PTCHD4: variants seen among roughly 807,000 people sequenced by gnomAD.
The protein encoded by PTCHD4 is patched domain containing 4.
PTCHD4 carries 33 observed loss-of-function variants against 58.1 expected under a neutral mutation model. The observed-to-expected ratio is 0.57, with a 90% CI of 0.43 to 0.76. PTCHD4 has a LOEUF of 0.76. Among genes scored for constraint, PTCHD4 ranks in the 30% least tolerant of loss-of-function variants. The probability of loss-of-function intolerance (pLI) is 0.00; values close to 1 mark genes in which losing one functional copy is unlikely to be tolerated. For synonymous variants in PTCHD4, 478 were observed against 409.6 expected (o/e 1.17, Z -2.02); for missense variants, 1,058 against 1,027.1 (o/e 1.03, Z -0.41).
chr6:47,905,084 CAT>C (rs1491269801), intron 4 of PTCHD4, among the ~76,000 whole-genome samples: 1 of 146,910 alleles, frequency 6.8e-6, no homozygotes, highest in Non-Finnish European at 1.5e-5. Context: ...CACACACACA[CAT>C]AAATGAATGG....
chr6:47,895,642 A>G (rs1383933640), intron 4 of PTCHD4, among the ~76,000 whole-genome samples: 1 of 152,212 alleles, frequency 6.6e-6, no homozygotes, highest in African/African-American at 2.4e-5. Context: ...TCTCTAACAT[A>G]TGTATCCTCC....
At chr6:48,085,499 C>T (rs965424149) in intron 1 of PTCHD4, among the ~76,000 whole-genome samples, 3 of 152,116 alleles carry the variant, frequency 2.0e-5, no homozygotes, top group African/African-American at 4.8e-5. Flanking sequence ...CATCAAGAAC[C>T]AAGAAAAGCC....
At chr6:47,908,289 G>A (rs1764963961) in intron 4 of PTCHD4, among the ~76,000 whole-genome samples, 1 of 152,074 alleles carries the variant, frequency 6.6e-6, no homozygotes, top group Non-Finnish European at 1.5e-5. Context: ...TATTATTGGG[G>A]TGAGCACTGA....
intron 4 of PTCHD4, chr6:47,900,012 C>A (rs1201480891): frequency 6.6e-6 from 1 of 152,136 alleles, no homozygotes; most frequent in African/African-American, 2.4e-5. Context: ...GCATATACCA[C>A]TTTTTATGTT....
chr6:47,864,424 A>G lies in PTCHD4; in HGVS notation c.*13879T>C, dbSNP rs768377223. On this transcript the variant is annotated 3_prime_UTR_variant, in exon 5 of 5. Coordinates refer to ENST00000339488, the MANE Select transcript of PTCHD4 (RefSeq NM_001384253.1). ...TCATTTCTCTTTGCATTTACTCTCT[A>G]TGTGTCTGGCACATAGAAGATGTTT... is the stretch of plus-strand genomic sequence containing the variant. Among the ~76,000 whole-genome samples, 3 of 151,828 alleles carry G rather than the reference A, an allele frequency of 2.0e-5. No homozygotes were observed. Among genetic ancestry groups the G allele is most frequent in the Non-Finnish European group, 4.4e-5 (3 of 67,878 alleles).
intron 4 of PTCHD4, among the ~76,000 whole-genome samples, chr6:47,977,689 A>T (rs960058409): frequency 6.6e-6 from 1 of 150,768 alleles, no homozygotes; most frequent in Non-Finnish European, 1.5e-5. Context: ...ATGCTGCAAT[A>T]GATAGCTAAA....
At chr6:48,029,060 T>A (rs2814487) in intron 3 of PTCHD4, among the ~76,000 whole-genome samples, 87,161 of 151,814 alleles carry the variant, frequency 0.57, 25,161 homozygotes, top group East Asian at 0.72. Context: ...AGAAGTTCTA[T>A]GAAATTCCTA....
intron 1 of PTCHD4, among the ~76,000 whole-genome samples, chr6:48,091,613 TTCCC>T (rs563389864): frequency 5.1e-4 from 78 of 151,680 alleles, no homozygotes; most frequent in East Asian, 1.6e-3. Context: ...CTTTCCTTCC[TTCCC>T]TCCCTCCCTC....
intron 4 of PTCHD4, among the ~76,000 whole-genome samples, chr6:47,990,286 T>C (rs1057395709): frequency 2.0e-5 from 3 of 152,148 alleles, no homozygotes; most frequent in Non-Finnish European, 2.9e-5. Context: ...TTTGGGTGAA[T>C]GCTGAAATGA....
intron 4 of PTCHD4, among the ~76,000 whole-genome samples, chr6:47,885,763 C>G (rs908774518): frequency 6.6e-6 from 1 of 152,200 alleles, no homozygotes; most frequent in African/African-American, 2.4e-5. Flanking sequence ...GTAATTGCAT[C>G]TAACATTGCT....
rs910091564 is a variant in PTCHD4, at chr6:47,858,964, G to C, written c.*19339C>G. 6.6e-6 allele frequency among the ~76,000 whole-genome samples: 1 copy of C among 152,034 alleles called. No homozygotes were observed. The highest frequency in any genetic ancestry group is 1.5e-5 in the Non-Finnish European group (1 of 67,978). The stretch of plus-strand genomic sequence containing the variant: ...ACCTATGATTTAATTACAAGCATCT[G>C]TTTTTGAGACTAATCAATGAATCAT... On this transcript the variant is annotated 3_prime_UTR_variant, in exon 5 of 5. Transcript: ENST00000339488.
chr6:47,904,881 C>G (rs1011984823), intron 4 of PTCHD4, among the ~76,000 whole-genome samples: 2 of 151,966 alleles, frequency 1.3e-5, no homozygotes, highest in Admixed American at 6.6e-5. Flanking sequence ...GGTGAGAAAA[C>G]AAGGAAAACA....
intron 1 of PTCHD4, among the ~76,000 whole-genome samples, chr6:48,088,614 T>C (rs1242481563): frequency 6.6e-6 from 1 of 152,202 alleles, no homozygotes; most frequent in African/African-American, 2.4e-5. Flanking sequence ...TGACAAATCT[T>C]GTAGGAATAC....
chr6:47,989,972 G>T (rs988856561), intron 4 of PTCHD4, among the ~76,000 whole-genome samples: 10 of 152,270 alleles, frequency 6.6e-5, no homozygotes, highest in African/African-American at 2.2e-4. Context: ...CCAGGAGGGG[G>T]ACTCTACCCT....
At chr6:48,023,814 G>A (rs1381139418) in intron 3 of PTCHD4, among the ~76,000 whole-genome samples, 2 of 152,116 alleles carry the variant, frequency 1.3e-5, no homozygotes, top group South Asian at 2.1e-4. Flanking sequence ...CTTACAAGGT[G>A]TTAAGAAATA....
At chr6:48,050,373 C>T (rs1030117674) in intron 3 of PTCHD4, among the ~76,000 whole-genome samples, 6 of 151,710 alleles carry the variant, frequency 4.0e-5, no homozygotes, top group Non-Finnish European at 7.4e-5. Context: ...CTTGAGTTTC[C>T]CATGAAAAAT....
intron 3 of PTCHD4, among the ~76,000 whole-genome samples, chr6:48,050,927 T>C (rs1297370337): frequency 1.3e-5 from 2 of 152,054 alleles, no homozygotes; most frequent in Non-Finnish European, 2.9e-5. Context: ...AATTGGGCAG[T>C]TGTGTAATGC....
chr6:48,098,559 G>A (rs965169420), intron 1 of PTCHD4, among the ~76,000 whole-genome samples: 2 of 152,160 alleles, frequency 1.3e-5, no homozygotes, highest in African/African-American at 4.8e-5. Context: ...GGATGGCCTC[G>A]AACTCCTGAC....
intron 4 of PTCHD4, among the ~76,000 whole-genome samples, chr6:48,000,648 A>G (rs1768684977): frequency 4.6e-5 from 7 of 152,194 alleles, no homozygotes; most frequent in Admixed American, 4.6e-4. Context: ...ACAAAGCTGA[A>G]GGCACAGAGG....
Sources: gnomAD v4.1 joint callset for allele counts (sites outside exome capture counted in the v4.1 genomes callset) on GRCh38, gnomAD v4.1.1 for gene constraint, MANE v1.5 for transcripts, NCBI Gene and HGNC (gene_info 2026-07-23, HGNC 2026-07-21) for gene names.